ZNF827: variants seen among roughly 807,000 people sequenced by gnomAD.
ZNF827 encodes the protein zinc finger protein 827.
Under a neutral mutation model 102.4 loss-of-function variants are expected in ZNF827, and 13 were observed. That is an observed-to-expected ratio of 0.13 (90% CI 0.08 to 0.20). The LOEUF (loss-of-function observed/expected upper bound fraction) is 0.20. Ranked by LOEUF, ZNF827 falls within the 10% of genes least tolerant of loss-of-function variation. The pLI is 1.00. For missense variants in ZNF827, 1,103 were observed against 1,344.4 expected (o/e 0.82, Z 2.81); for synonymous variants, 523 against 536.2 (o/e 0.98, Z 0.34).
chr4:145,896,957 A>G (rs577496487), intron 2 of ZNF827, among the ~76,000 whole-genome samples: 2 of 152,304 alleles, frequency 1.3e-5, no homozygotes, highest in Admixed American at 6.5e-5. Context: ...GAAAAAAAAG[A>G]GTTTGTTTTG....
At chr4:145,792,741 G>A (rs1167787883) in intron 8 of ZNF827, among the ~76,000 whole-genome samples, 2 of 152,060 alleles carry the variant, frequency 1.3e-5, no homozygotes, top group African/African-American at 4.8e-5. Context: ...CAACTCCAAA[G>A]TAGTTGAGCA....
intron 7 of ZNF827, among the ~76,000 whole-genome samples, chr4:145,842,271 G>A (rs138149999): frequency 4.3e-4 from 66 of 152,286 alleles, no homozygotes; most frequent in African/African-American, 1.6e-3. Context: ...GTATAACAGA[G>A]GTATCAACAA....
At chr4:145,810,714 A>C (rs72954612) in intron 8 of ZNF827, among the ~76,000 whole-genome samples, 1,913 of 152,156 alleles carry the variant, frequency 0.013, 51 homozygotes, top group African/African-American at 0.042. Context: ...TGTCTTGGGC[A>C]TTTTTTCAAA....
chr4:145,936,385 T>C (rs1190978191), intron 1 of ZNF827, among the ~76,000 whole-genome samples: 4 of 152,002 alleles, frequency 2.6e-5, no homozygotes, highest in African/African-American at 9.7e-5. Flanking sequence ...ATATATTACA[T>C]ATGTGATATT....
chr4:145,884,744 T>C (rs1177456521), intron 4 of ZNF827, among the ~76,000 whole-genome samples: 1 of 152,000 alleles, frequency 6.6e-6, no homozygotes, highest in Non-Finnish European at 1.5e-5. Context: ...AAAAGAAACA[T>C]CATGTACAAT....
chr4:145,937,747 C>T (rs1754321351), intron 1 of ZNF827, among the ~76,000 whole-genome samples: 2 of 147,426 alleles, frequency 1.4e-5, no homozygotes, highest in South Asian at 4.3e-4. Context: ...GCTCCAGCCG[C>T]CGCCGCCGCT....
At chr4:145,907,084 GA>G (rs879189539) in intron 1 of ZNF827, 2 of 456,740 alleles carry the variant, frequency 4.4e-6, no homozygotes, top group South Asian at 3.1e-5. Context: ...ATGGTGAGAG[GA>G]GCTTTGGGAG....
At chr4:145,872,462 C>T (rs1008594598) in intron 4 of ZNF827, among the ~76,000 whole-genome samples, 2 of 152,208 alleles carry the variant, frequency 1.3e-5, no homozygotes, top group African/African-American at 4.8e-5. Context: ...TATTAGGCTT[C>T]CAGCCTCCAG....
Position 145,763,943 on chromosome 4 carries a change from G to A in ZNF827, c.3231-821C>T, listed in dbSNP as rs896645170. On this transcript the variant is annotated intron_variant, in intron 13 of 14. Transcript: ENST00000508784. The surrounding 1 kb of genome is among the most constrained non-coding windows in gnomAD (Gnocchi z 4.6). Reference sequence around the variant, plus strand: ...TCTTCTATGTGGGGGAGTTTTTGAGGAGGCAGGGGCCTGGGGGGACCCAAC... The same window carrying A: ...TCTTCTATGTGGGGGAGTTTTTGAGAAGGCAGGGGCCTGGGGGGACCCAAC... Among the ~76,000 whole-genome samples, 1 of 151,996 alleles carries A rather than the reference G, an allele frequency of 6.6e-6. No homozygotes were observed. The highest frequency in any genetic ancestry group is 2.4e-5 in the African/African-American group (1 of 41,352).
At chr4:145,885,604 CAGAGACAGAGAGAGAGAGAGAGAGAG>C in intron 4 of ZNF827, 48 bp downstream of exon 4, 1 of 1,425,608 alleles carries the variant, frequency 7.0e-7, no homozygotes, top group African/African-American at 1.9e-5. Flanking sequence ...TACTGGTAGA[CAGAGACAGAGAGAGAGAGAGAGAGAG>C]AGAGAGAGAG....
chr4:145,812,583 A>C (rs1742137491), intron 8 of ZNF827, among the ~76,000 whole-genome samples: 1 of 151,968 alleles, frequency 6.6e-6, no homozygotes, highest in Non-Finnish European at 1.5e-5. Context: ...GCTGGAGTGC[A>C]GTGGCGTGAT....
chr4:145,830,844 T>C (rs1014113546), intron 7 of ZNF827: 4 of 152,240 alleles, frequency 2.6e-5, no homozygotes, highest in African/African-American at 9.6e-5. Context: ...TGTTCTGCAG[T>C]AGCAATCACT....
chr4:145,783,707 T>C (rs959695355), intron 8 of ZNF827, among the ~76,000 whole-genome samples: 4 of 152,250 alleles, frequency 2.6e-5, no homozygotes, highest in Non-Finnish European at 4.4e-5. Flanking sequence ...CCCCTTCTCT[T>C]TTCCAGCCTT....
intron 10 of ZNF827, 113 bp from the exon 11 acceptor site, chr4:145,774,785 A>T (rs1362945564): frequency 7.2e-5 from 87 of 1,204,116 alleles, no homozygotes; most frequent in Non-Finnish European, 9.7e-5. Context: ...TTTGAAACAC[A>T]TTTGTCTCTC....
At chr4:145,768,890 A>AAAAAAAAAAAAAAAAAAAAAAAG (rs1553975847) in intron 11 of ZNF827, among the ~76,000 whole-genome samples, 1 of 7,724 alleles carries the variant, frequency 1.3e-4, no homozygotes, top group African/African-American at 3.5e-4. Context: ...AAAAAAAAAA[A>AAAAAAAAAAAAAAAAAAAAAAAG]ATATATATAT....
chr4:145,929,254 C>G (rs1306578897), intron 1 of ZNF827, among the ~76,000 whole-genome samples: 1 of 152,150 alleles, frequency 6.6e-6, no homozygotes, highest in East Asian at 1.9e-4. Context: ...TTCCTTCTTT[C>G]TGTGTAAATA....
At chr4:145,789,547 T>C (rs1739379493) in intron 8 of ZNF827, among the ~76,000 whole-genome samples, 4 of 152,208 alleles carry the variant, frequency 2.6e-5, no homozygotes, top group Admixed American at 2.6e-4. Context: ...ATCATTCTTA[T>C]TTTACAACAC....
intron 6 of ZNF827, among the ~76,000 whole-genome samples, chr4:145,847,815 C>A (rs1278032398): frequency 6.6e-6 from 1 of 152,184 alleles, no homozygotes; most frequent in Admixed American, 6.5e-5. Flanking sequence ...AAAATTTAAA[C>A]AAAGATTTGC....
rs115300728 is a variant in ZNF827, at chr4:145,773,805, G to A, written c.2860+701C>T. On this transcript the variant is annotated intron_variant, in intron 11 of 14. Coordinates refer to ENST00000508784, the MANE Select transcript of ZNF827 (RefSeq NM_001306215.2). ...TTGGCCGCGAACACACATGCCATGC[G>A]TCATTAAGGAGAGCGTCAGGGCTGC... is the stretch of plus-strand genomic sequence containing the variant. Among the ~76,000 whole-genome samples, 684 of 152,274 alleles carry A rather than the reference G, an allele frequency of 4.5e-3. 5 individuals are homozygous for A. Among genetic ancestry groups the A allele is most frequent in the African/African-American group, 0.015 (610 of 41,540 alleles).
Sources: gnomAD v4.1 joint callset for allele counts (sites outside exome capture counted in the v4.1 genomes callset) on GRCh38, gnomAD v4.1.1 for gene constraint, Gnocchi (gnomAD v3.1) non-coding constraint, MANE v1.5 for transcripts, NCBI Gene and HGNC (gene_info 2026-07-23, HGNC 2026-07-21) for gene names.